The following CCDC152 variants were observed in gnomAD, a reference collection of about 807,000 sequenced individuals.
The protein encoded by CCDC152 is coiled-coil domain containing 152, also known as coiled-coil domain-containing protein 152.
A neutral mutation model predicts 38.1 loss-of-function variants in CCDC152; 37 were observed. The observed-to-expected ratio is 0.97, with a 90% CI of 0.75 to 1.28. The LOEUF (loss-of-function observed/expected upper bound fraction) is 1.28. Ranked by LOEUF, CCDC152 falls within the 50% of genes most tolerant of loss-of-function variation. The pLI is 0.00. For missense variants in CCDC152, 259 were observed against 292.1 expected (o/e 0.89, Z 0.83); for synonymous variants, 83 against 87.1 (o/e 0.95, Z 0.26).
Position 42,769,809 on chromosome 5 carries a change from A to T in CCDC152, c.262+144A>T, listed in dbSNP as rs1759673920. ...TTACTACTTAAAAATACTTTCCTAG[A>T]TGATTATGAAATAAGAAATGTTATC... On this transcript the variant is annotated intron_variant, in intron 4 of 8. Coordinates refer to ENST00000361970, the MANE Select transcript of CCDC152 (RefSeq NM_001134848.2). 9.2e-6 allele frequency: 9 copies of T among 981,810 alleles called. No homozygotes were observed. In the East Asian group the frequency reaches 3.1e-4, roughly 33 times the overall value. The allele number at this position is 981,810 out of a possible 1,614,324, so 60.8% of individuals were successfully genotyped here.
chr5:42,788,358 CA>C (rs1261521083), intron 6 of CCDC152, among the ~76,000 whole-genome samples: 1 of 151,504 alleles, frequency 6.6e-6, no homozygotes, highest in Non-Finnish European at 1.5e-5. Flanking sequence ...CCCTCAAAGG[CA>C]GCTAGAGAAA....
intron 6 of CCDC152, 135 bp downstream of exon 6, chr5:42,783,711 C>T (rs1759878897): frequency 3.1e-5 from 9 of 287,854 alleles, no homozygotes; most frequent in South Asian, 1.5e-4. Context: ...GAACATAACT[C>T]GTGGTAGATC....
chr5:42,800,015 T>C lies in CCDC152; in HGVS notation c.*234T>C, dbSNP rs1301183195. On this transcript the variant is annotated 3_prime_UTR_variant, in exon 9 of 9. Coordinates refer to ENST00000361970, the MANE Select transcript of CCDC152 (RefSeq NM_001134848.2). ...GTTTGGTTTACCTATTAAACCATCA[T>C]TGACTATGGAAATACTTACTAAGCA... 4.6e-5 allele frequency: 21 copies of C among 453,038 alleles called. No individual in the cohort carries two copies. The highest frequency in any genetic ancestry group is 8.1e-5 in the Non-Finnish European group (21 of 258,456). The allele number at this position is 453,038 out of a possible 1,614,324, so 28.1% of individuals were successfully genotyped here.
chr5:42,787,691 T>C (rs772111330), intron 6 of CCDC152, among the ~76,000 whole-genome samples: 2 of 152,184 alleles, frequency 1.3e-5, no homozygotes, highest in South Asian at 4.1e-4. Context: ...TTGAAGCCTT[T>C]ATCATTATAT....
intron 4 of CCDC152, among the ~76,000 whole-genome samples, chr5:42,776,227 A>G (rs1159422013): frequency 6.6e-6 from 1 of 152,186 alleles, no homozygotes; most frequent in African/African-American, 2.4e-5. Context: ...AAAGGCACAT[A>G]TAGATTAAAA....
chr5:42,782,502 T>G (rs1015516244), intron 5 of CCDC152, among the ~76,000 whole-genome samples: 5 of 151,822 alleles, frequency 3.3e-5, no homozygotes, highest in African/African-American at 1.2e-4. Flanking sequence ...AAGCAGAGAG[T>G]AGAGTGGTGG....
intron 7 of CCDC152, 119 bp from the exon 8 acceptor site, chr5:42,799,256 A>T (rs1010947596): frequency 1.8e-6 from 1 of 559,964 alleles, no homozygotes; most frequent in Admixed American, 3.7e-5. Flanking sequence ...TATTGTCTAT[A>T]CTGTAATTTA....
Position 42,760,533 on chromosome 5 carries a change from G to A in CCDC152, c.87+1325G>A, listed in dbSNP as rs552475188. Among the ~76,000 whole-genome samples, 7 of 152,246 alleles carry A rather than the reference G, an allele frequency of 4.6e-5. 1 individual carries two copies. The South Asian group carries it at 1.5e-3, about 32-fold the overall frequency. ...TAGACCAAACCCACAAGTGTGTATT[G>A]GGTTTATCCTCCCTCCTCTGCCTTC... On this transcript the variant is annotated intron_variant, in intron 2 of 8. Coordinates refer to ENST00000361970, the MANE Select transcript of CCDC152 (RefSeq NM_001134848.2).
intron 3 of CCDC152, 127 bp from the exon 4 acceptor site, chr5:42,769,470 T>TA (rs1267551772): frequency 2.7e-6 from 3 of 1,106,554 alleles, no homozygotes; most frequent in Non-Finnish European, 3.6e-6. Flanking sequence ...CTTGAGTCAA[T>TA]AGGACTACAA....
intron 3 of CCDC152, among the ~76,000 whole-genome samples, chr5:42,763,509 A>G (rs558822733): frequency 1.8e-4 from 27 of 152,322 alleles, no homozygotes; most frequent in African/African-American, 6.3e-4. Context: ...GTAGGGGAAA[A>G]GTAACTACAA....
chr5:42,774,866 T>C (rs890883923), intron 4 of CCDC152, among the ~76,000 whole-genome samples: 2 of 152,116 alleles, frequency 1.3e-5, no homozygotes, highest in Non-Finnish European at 2.9e-5. Context: ...CTACAGTTAA[T>C]ATGCTAAAGG....
intron 5 of CCDC152, among the ~76,000 whole-genome samples, chr5:42,781,250 C>T (rs1561276642): frequency 1.3e-5 from 2 of 152,148 alleles, no homozygotes; most frequent in African/African-American, 2.4e-5. Context: ...ATCTAGAAAT[C>T]TAGATATATA....
chr5:42,762,580 T>C, intron 3 of CCDC152, 32 bp downstream of exon 3: 1 of 1,124,412 alleles, frequency 8.9e-7, no homozygotes, highest in Admixed American at 2.1e-5. Flanking sequence ...GAATGCTAAT[T>C]CTAATGAAAG....
chr5:42,767,836 G>A (rs986589500), intron 3 of CCDC152, among the ~76,000 whole-genome samples: 1 of 152,202 alleles, frequency 6.6e-6, no homozygotes, highest in Non-Finnish European at 1.5e-5. Flanking sequence ...AAGGCACAAA[G>A]ACAAGTGATG....
rs1759536274 is a variant in CCDC152 at position 42,760,351 on chromosome 5, G to A, written c.87+1143G>A. On this transcript the variant is annotated intron_variant, in intron 2 of 8. Transcript: ENST00000361970. ...AAGCCTACATTGTCCATAAACTCAGGAATGGTTTTAGTAAACATTGAAGTA... is the reference window on the plus strand; with the variant it reads ...AAGCCTACATTGTCCATAAACTCAGAAATGGTTTTAGTAAACATTGAAGTA... Among the ~76,000 whole-genome samples, 5 of 150,814 alleles carry A rather than the reference G, an allele frequency of 3.3e-5. No homozygotes were observed. In the South Asian group the frequency reaches 1.0e-3, roughly 31 times the overall value.
At position 42,777,762 on chromosome 5, in the gene CCDC152, C is replaced by G. The variant is rs1490373161; in HGVS notation, c.263-1696C>G. On this transcript the variant is annotated intron_variant, in intron 4 of 8. Transcript: ENST00000361970. ...AAGTTTTATATGTGGACCCTATTTC[C>G]AAGGCTCCTTTCAATGTTACTGTAC... is the stretch of plus-strand genomic sequence containing the variant. Among the ~76,000 whole-genome samples, 7 of 152,270 alleles carry G rather than the reference C, an allele frequency of 4.6e-5. No individual in the cohort carries two copies. In the East Asian group the frequency reaches 1.3e-3, roughly 29 times the overall value.
intron 7 of CCDC152, among the ~76,000 whole-genome samples, chr5:42,798,459 T>A (rs918961758): frequency 1.3e-5 from 2 of 152,162 alleles, no homozygotes; most frequent in Non-Finnish European, 2.9e-5. Flanking sequence ...CTGCTGGTGC[T>A]GCTGCTGCTG....
chr5:42,786,142 G>A (rs1759918791), intron 6 of CCDC152, among the ~76,000 whole-genome samples: 1 of 151,974 alleles, frequency 6.6e-6, no homozygotes, highest in Admixed American at 6.6e-5. Context: ...GAGTTAGAGA[G>A]GCCTCCCTCC....
intron 7 of CCDC152, among the ~76,000 whole-genome samples, chr5:42,799,159 AG>A (rs890197266): frequency 6.6e-6 from 1 of 152,080 alleles, no homozygotes; most frequent in African/African-American, 2.4e-5. Context: ...AAACCTCTCC[AG>A]GTAATTTTGC....
Sources: allele counts gnomAD v4.1 joint callset (sites outside exome capture counted in the v4.1 genomes callset), GRCh38; gene constraint gnomAD v4.1.1; transcripts MANE v1.5; gene names NCBI Gene and HGNC (gene_info 2026-07-23, HGNC 2026-07-21).